The following BTN3A2 variants were observed in gnomAD, a reference collection of about 807,000 sequenced individuals.
BTN3A2 encodes the protein butyrophilin subfamily 3 member A2, also known as butyrophilin protein.
Under a neutral mutation model 37.6 loss-of-function variants are expected in BTN3A2, and 25 were observed. That is an observed-to-expected ratio of 0.66 (90% CI 0.48 to 0.93). BTN3A2 has a LOEUF of 0.93. BTN3A2 is among the 40% of genes least tolerant of loss of function. The pLI is 0.00. For synonymous variants in BTN3A2, 122 were observed against 159.4 expected (o/e 0.77, Z 1.77); for missense variants, 266 against 410.9 (o/e 0.65, Z 3.05).
intron 4 of BTN3A2, among the ~76,000 whole-genome samples, chr6:26,369,747 A>T (rs1351029125): frequency 6.6e-6 from 1 of 152,154 alleles, no homozygotes; most frequent in African/African-American, 2.4e-5. Context: ...TTTTCCCATG[A>T]TCCATCATAG....
At position 26,376,811 on chromosome 6, in the gene BTN3A2, A is replaced by G; in HGVS notation, c.*1049A>G. The G allele has an allele frequency of 3.1e-6, 5 of 1,613,910 alleles. No individual in the cohort carries two copies. The highest frequency in any genetic ancestry group is 4.2e-6 in the Non-Finnish European group (5 of 1,179,888). On this transcript the variant is annotated 3_prime_UTR_variant, in exon 11 of 11. Transcript: ENST00000377708. The stretch of plus-strand genomic sequence containing the variant: ...TATGTAGTAAGAACGTGGAGAGGAA[A>G]AAAGTTTGGGTCAAAATGACACCGG...
At chr6:26,366,063 C>A (rs1470812528) in intron 1 of BTN3A2, among the ~76,000 whole-genome samples, 2 of 151,998 alleles carry the variant, frequency 1.3e-5, no homozygotes, top group African/African-American at 2.4e-5. Context: ...TCCCCAAAAC[C>A]TAAAGCATGA....
Position 26,370,373 on chromosome 6 carries a change from T to C in BTN3A2, c.485T>C (p.Ile162Thr). The C allele has an allele frequency of 6.2e-7, 1 of 1,614,146 alleles. No homozygotes were observed. The highest frequency in any genetic ancestry group is 8.5e-7 in the Non-Finnish European group (1 of 1,180,012). The change falls in exon 5 of 11, where the codon ATC (isoleucine) becomes ACC (threonine). Residue 162 changes from isoleucine to threonine, a missense_variant. By Grantham distance (89) the Ile-to-Thr change is moderately conservative. This residue lies in a region of BTN3A2 where 204 missense variants were observed against 232.6 expected (regional missense o/e 0.88). Coordinates refer to ENST00000377708, the MANE Select transcript of BTN3A2 (RefSeq NM_007047.5). ...GTGAAGGGTTATGAGGATGGAGGGA[T>C]CCATCTGGAGTGCAGGTCCACCGGC... is the stretch of plus-strand genomic sequence containing the variant. Reference protein sequence around the residue: ...VEVKGYEDGGIHLECRSTGWY... With the variant: ...VEVKGYEDGGTHLECRSTGWY...
chr6:26,377,544 A>T lies in BTN3A2; in HGVS notation c.*1782A>T. ...TGGGTGTCACTCCTTTAATCCTCACAACACCCTGTCAGGTAGTCTCATTTG... is the reference window on the plus strand; with the variant it reads ...TGGGTGTCACTCCTTTAATCCTCACTACACCCTGTCAGGTAGTCTCATTTG... On this transcript the variant is annotated 3_prime_UTR_variant, in exon 11 of 11. Transcript: ENST00000377708. 1 of 258,604 alleles carries T rather than the reference A, an allele frequency of 3.9e-6. No homozygotes were observed. The highest frequency in any genetic ancestry group is 7.6e-6 in the Non-Finnish European group (1 of 131,562). The allele number at this position is 258,604 out of a possible 1,614,324, so 16.0% of individuals were successfully genotyped here. A position where few individuals can be genotyped will look rare whatever the true frequency, so the allele number is the denominator to read the frequency against.
rs1277500299 is a variant in BTN3A2, at chr6:26,365,311, T to G, written c.-108T>G. On this transcript the variant is annotated 5_prime_UTR_variant, in exon 1 of 11. Transcript: ENST00000377708. ...AATGGAGAATTATTGATTGACCGTC[T>G]TTATTCTGTGGGCTCTGATTCTCCA... The G allele has an allele frequency of 1.3e-5, 20 of 1,535,644 alleles. No homozygotes were observed. Among genetic ancestry groups the G allele is most frequent in the Non-Finnish European group, 1.7e-5 (19 of 1,146,612 alleles).
intron 3 of BTN3A2, 26 bp downstream of exon 3, chr6:26,368,293 A>G (rs1310054261): frequency 4.3e-6 from 7 of 1,611,342 alleles, no homozygotes; most frequent in Non-Finnish European, 5.9e-6. Flanking sequence ...ATGATTCCAC[A>G]TTTATGTTTC....
chr6:26,376,470 T>A lies in BTN3A2; in HGVS notation c.*708T>A, dbSNP rs1428487900. The A allele has an allele frequency of 3.8e-6, 4 of 1,045,150 alleles. No homozygotes were observed. In the East Asian group the frequency reaches 1.4e-4, roughly 37 times the overall value. The allele number at this position is 1,045,150 out of a possible 1,614,324, so 64.7% of individuals were successfully genotyped here. A position where few individuals can be genotyped will look rare whatever the true frequency, so the allele number is the denominator to read the frequency against. Reference sequence around the variant, plus strand: ...TTCAGGGCAGGCTAGGGACACGGGGTTCTGGAAGGACCTCCTCAGCATGGC... The same window carrying A: ...TTCAGGGCAGGCTAGGGACACGGGGATCTGGAAGGACCTCCTCAGCATGGC... On this transcript the variant is annotated 3_prime_UTR_variant, in exon 11 of 11. Transcript: ENST00000377708.
intron 1 of BTN3A2, 126 bp from the exon 2 acceptor site, chr6:26,367,864 G>C (rs1759673919): frequency 9.0e-6 from 3 of 333,302 alleles, no homozygotes; most frequent in Non-Finnish European, 1.6e-5. Flanking sequence ...TGAATCAGAG[G>C]GGGATGATGG....
intron 4 of BTN3A2, among the ~76,000 whole-genome samples, chr6:26,370,018 T>C (rs1411588414): frequency 6.6e-6 from 1 of 152,214 alleles, no homozygotes; most frequent in Non-Finnish European, 1.5e-5. Flanking sequence ...ATTGCCTTGC[T>C]GAAGGTAACA....
chr6:26,366,437 T>C (rs970339057), intron 1 of BTN3A2, among the ~76,000 whole-genome samples: 1 of 152,196 alleles, frequency 6.6e-6, no homozygotes, highest in African/African-American at 2.4e-5. Flanking sequence ...ATTAGCAAAG[T>C]ATATAACTAC....
chr6:26,376,880 TC>T lies in BTN3A2; in HGVS notation c.*1119del. The T allele has an allele frequency of 6.2e-7, 1 of 1,613,946 alleles. No individual in the cohort carries two copies. The highest frequency in any genetic ancestry group is 1.1e-5 in the South Asian group (1 of 91,074). ...TGGGCCTGACTGATGGGAATAAGTATCGGGCTCTCACTGAGCCCAGAACCAA... is the reference window on the plus strand; with the variant it reads ...TGGGCCTGACTGATGGGAATAAGTATGGGCTCTCACTGAGCCCAGAACCAA... On this transcript the variant is annotated 3_prime_UTR_variant, in exon 11 of 11. Coordinates refer to ENST00000377708, the MANE Select transcript of BTN3A2 (RefSeq NM_007047.5).
intron 5 of BTN3A2, 190 bp from the exon 6 acceptor site, chr6:26,372,707 T>C (rs1760234102): frequency 4.9e-6 from 3 of 614,348 alleles, no homozygotes; most frequent in African/African-American, 3.7e-5. Flanking sequence ...GTAATAGTAG[T>C]AGCTTGTAGT....
chr6:26,374,701 GA>G, intron 9 of BTN3A2, 69 bp from the exon 10 acceptor site: 1 of 1,422,112 alleles, frequency 7.0e-7, no homozygotes, highest in Non-Finnish European at 9.8e-7. Context: ...AACATGTAGT[GA>G]GAGGAGAATG....
chr6:26,373,124 G>A (rs754887021), intron 6 of BTN3A2, 27 bp downstream of exon 6: 1 of 1,611,058 alleles, frequency 6.2e-7, no homozygotes, highest in Non-Finnish European at 8.5e-7. Flanking sequence ...GAGAATCTAA[G>A]CTCTTGGCTT....
chr6:26,372,952 T>C lies in BTN3A2; in HGVS notation c.771T>C (p.Pro257=). 1 of 1,614,236 alleles carries C rather than the reference T, an allele frequency of 6.2e-7. No homozygotes were observed. The highest frequency in any genetic ancestry group is 2.2e-5 in the East Asian group (1 of 44,886). Residue 257 remains proline, a synonymous_variant, in exon 6 of 11, where the codon CCT becomes CCC. Coordinates refer to ENST00000377708, the MANE Select transcript of BTN3A2 (RefSeq NM_007047.5). ...TCGCAGCCCTGGCAGGGACCCTGCC[T>C]ATCTTGCTGCTGCTTCTCGCCGGAG... is the stretch of plus-strand genomic sequence containing the variant. The part of the protein sequence containing the change: ...PWIAALAGTL[P]ILLLLLAGAS...
In BTN3A2 at chr6:26,377,123, C is replaced by T. The variant is rs575868397; in HGVS notation, c.*1361C>T. ...CAAAAGTAGAGAGTTCCCCCGATCC[C>T]GACCTAGTGCCTGATCATTCCCTGG... On this transcript the variant is annotated 3_prime_UTR_variant, in exon 11 of 11. Transcript: ENST00000377708. 49 of 1,309,468 alleles carry T rather than the reference C, an allele frequency of 3.7e-5. No individual in the cohort carries two copies. The highest frequency in any genetic ancestry group is 7.1e-5 in the South Asian group (6 of 84,822). 81.1% of individuals were successfully genotyped at this position (1,309,468 alleles called of 1,614,324 possible).
intron 4 of BTN3A2, among the ~76,000 whole-genome samples, 158 bp from the exon 5 acceptor site, chr6:26,370,164 C>G (rs1379269846): frequency 6.6e-6 from 1 of 152,170 alleles, no homozygotes; most frequent in Admixed American, 6.5e-5. Flanking sequence ...ACTGCACTAG[C>G]AAATTTAGTT....
intron 6 of BTN3A2, 86 bp from the exon 7 acceptor site, chr6:26,373,190 T>A: frequency 6.2e-7 from 1 of 1,602,930 alleles, no homozygotes; most frequent in East Asian, 2.2e-5. Context: ...CTGCATCATG[T>A]TTAAGGTTTA....
In BTN3A2 at chr6:26,373,293, C is replaced by T. The variant is rs1211989450; in HGVS notation, c.934C>T (p.Leu312Phe). 1 of 1,433,388 alleles carries T rather than the reference C, an allele frequency of 7.0e-7. No homozygotes were observed. The highest frequency in any genetic ancestry group is 9.6e-7 in the Non-Finnish European group (1 of 1,045,836). 88.8% of individuals were successfully genotyped at this position (1,433,388 alleles called of 1,614,324 possible). Residue 312 changes from leucine to phenylalanine, a missense_variant, in exon 7 of 11, where the codon CTC becomes TTC. Leu to Phe is a conservative substitution (Grantham distance 22). This residue lies in a region of BTN3A2 where 204 missense variants were observed against 232.6 expected (regional missense o/e 0.88). Transcript: ENST00000377708. ...TTTTCCAGAGAGCCTCCAGGAGGAA[C>T]TCAGTAAGTTACCATTCCCCCAGAG... ...ISLRESLQEE[L>F]KRKKIQYLTR... is the part of the protein sequence containing the mutation.
Sources: allele counts gnomAD v4.1 joint callset (sites outside exome capture counted in the v4.1 genomes callset), GRCh38; gene constraint gnomAD v4.1.1; regional missense constraint gnomAD v4.1.1; transcripts MANE v1.5; gene names NCBI Gene and HGNC (gene_info 2026-07-23, HGNC 2026-07-21).